The following ZRANB1 variants were observed in gnomAD, a reference collection of about 807,000 sequenced individuals.
ZRANB1 encodes ubiquitin thioesterase ZRANB1.
In ZRANB1, 16 loss-of-function variants were observed where a neutral mutation model predicts 80.5. That is an observed-to-expected ratio of 0.20 (90% CI 0.13 to 0.30). The LOEUF is 0.30. Ranked by LOEUF, ZRANB1 falls within the 10% of genes least tolerant of loss-of-function variation. The probability of loss-of-function intolerance (pLI) is 1.00; values close to 1 mark genes in which losing one functional copy is unlikely to be tolerated. For missense variants in ZRANB1, 576 were observed against 862.6 expected, an observed-to-expected ratio of 0.67 and a Z score of 4.16; for synonymous variants, 291 against 293.1, an observed-to-expected ratio of 0.99 and a Z score of 0.07.
At chr10:124,937,881 G>C (rs2134235255), upstream of ZRANB1, among the ~76,000 whole-genome samples, 2 of 152,278 alleles carry the variant, frequency 1.3e-5, no homozygotes, top group East Asian at 3.9e-4. Flanking sequence ...GGAACTGTTG[G>C]TATTGCATTT....
Position 124,949,514 on chromosome 10 carries a change from C to A in ZRANB1, c.814+6207C>A, listed in dbSNP as rs1589841977. On this transcript the variant is annotated intron_variant, in intron 1 of 8. Transcript: ENST00000359653. ...TCACGTATACACACACACACACACA[C>A]ACACACACATTTTTTTTTTTTTTTT... Among the ~76,000 whole-genome samples, 3 of 106,372 alleles carry A rather than the reference C, an allele frequency of 2.8e-5. 1 individual carries two copies. Among genetic ancestry groups the A allele is most frequent in the African/African-American group, 9.0e-5 (3 of 33,412 alleles). 69.8% of individuals were successfully genotyped at this position (106,372 alleles called of 152,430 possible). A position where few individuals can be genotyped will look rare whatever the true frequency, so the allele number is the denominator to read the frequency against.
chr10:124,947,590 G>A (rs956602664), intron 1 of ZRANB1, among the ~76,000 whole-genome samples: 1 of 152,096 alleles, frequency 6.6e-6, no homozygotes, highest in Non-Finnish European at 1.5e-5. Context: ...CATCTTTCCT[G>A]GAGTGTTTAA....
intron 5 of ZRANB1, 117 bp downstream of exon 5, chr10:124,974,515 A>G (rs1470827567): frequency 1.8e-6 from 2 of 1,083,756 alleles, no homozygotes; most frequent in Non-Finnish European, 2.7e-6. Flanking sequence ...GAGGAAAAAC[A>G]GTTCATTTTG....
At position 124,983,714 on chromosome 10, in the gene ZRANB1, T is replaced by C; in HGVS notation, c.1908+26T>C. On this transcript the variant is annotated intron_variant, in intron 8 of 8. Transcript: ENST00000359653. This position sits in a 1 kb window ranked among gnomAD's most constrained non-coding sequence, Gnocchi z 6.2. ...GTAAGCAGTTTCTCCTATGAACTATTTCTAGTAGTGACCTTGTACCAGAAA... is the reference window on the plus strand; with the variant it reads ...GTAAGCAGTTTCTCCTATGAACTATCTCTAGTAGTGACCTTGTACCAGAAA... 6.6e-7 allele frequency: 1 copy of C among 1,526,032 alleles called. No individual in the cohort carries two copies. The highest frequency in any genetic ancestry group is 8.9e-7 in the Non-Finnish European group (1 of 1,124,302). The allele number at this position is 1,526,032 out of a possible 1,614,324, so 94.5% of individuals were successfully genotyped here. A position where few individuals can be genotyped will look rare whatever the true frequency, so the allele number is the denominator to read the frequency against.
At chr10:124,936,628 T>A in the ZRANB1 span, among the ~76,000 whole-genome samples, 1 of 152,192 alleles carries the variant, frequency 6.6e-6, no homozygotes, top group Non-Finnish European at 1.5e-5. Context: ...TCCTGTTGAC[T>A]ATTGCGAAGA....
the ZRANB1 span, among the ~76,000 whole-genome samples, chr10:124,936,355 T>G: frequency 6.6e-6 from 1 of 152,076 alleles, no homozygotes; most frequent in African/African-American, 2.4e-5. Flanking sequence ...AAGACAGTAA[T>G]TAGATAGAAA....
At chr10:124,937,018 A>G in the ZRANB1 span, among the ~76,000 whole-genome samples, 5 of 152,112 alleles carry the variant, frequency 3.3e-5, no homozygotes, top group East Asian at 7.7e-4. Context: ...GCAGTGGCGC[A>G]ATCTCTGCTC....
intron 2 of ZRANB1, 150 bp downstream of exon 2, chr10:124,966,931 A>T: frequency 1.4e-6 from 1 of 720,064 alleles, no homozygotes; most frequent in Non-Finnish European, 2.2e-6. Context: ...AACTTAAGAG[A>T]CTTAATTTTT....
chr10:124,963,004 G>A (rs891076463), intron 1 of ZRANB1, among the ~76,000 whole-genome samples: 2 of 152,102 alleles, frequency 1.3e-5, no homozygotes, highest in South Asian at 2.1e-4. Flanking sequence ...GGTGGCTCAC[G>A]CCTGTAATCC....
At chr10:124,951,591 A>T (rs1377051579) in intron 1 of ZRANB1, among the ~76,000 whole-genome samples, 2 of 152,176 alleles carry the variant, frequency 1.3e-5, no homozygotes, top group Non-Finnish European at 2.9e-5. Context: ...CCTTAGCTTT[A>T]AAAATTATTT....
intron 2 of ZRANB1, among the ~76,000 whole-genome samples, chr10:124,967,553 G>A (rs1370284530): frequency 3.3e-5 from 5 of 152,220 alleles, no homozygotes; most frequent in African/African-American, 1.2e-4. Context: ...GCGCAGGGGA[G>A]TGAGCAGAGC....
At chr10:124,929,784 A>G in the ZRANB1 span, among the ~76,000 whole-genome samples, 1 of 151,752 alleles carries the variant, frequency 6.6e-6, no homozygotes, top group African/African-American at 2.4e-5. Flanking sequence ...TGTCTCTATC[A>G]AAAATACAAA....
the ZRANB1 span, among the ~76,000 whole-genome samples, chr10:124,918,736 G>A: frequency 6.6e-6 from 1 of 152,128 alleles, no homozygotes. Flanking sequence ...TTGTCTCCTT[G>A]TTATTATTTT....
chr10:124,933,138 CTTTT>C, the ZRANB1 span, among the ~76,000 whole-genome samples: 7 of 132,684 alleles, frequency 5.3e-5, no homozygotes, highest in Non-Finnish European at 9.7e-5. Context: ...TCTTTTCTTT[CTTTT>C]TTTTTTTTTT....
the ZRANB1 span, among the ~76,000 whole-genome samples, chr10:124,933,143 T>C: frequency 1.8e-3 from 271 of 151,404 alleles, no homozygotes; most frequent in African/African-American, 6.5e-3. Flanking sequence ...TCTTTCTTTT[T>C]TTTTTTTTTT....
chr10:124,936,349 C>T, the ZRANB1 span, among the ~76,000 whole-genome samples: 1 of 152,078 alleles, frequency 6.6e-6, no homozygotes, highest in Non-Finnish European at 1.5e-5. Context: ...AATGAGAAGA[C>T]AGTAATTAGA....
chr10:124,938,205 T>C (rs191098652), upstream of ZRANB1, among the ~76,000 whole-genome samples: 13 of 152,364 alleles, frequency 8.5e-5, no homozygotes, highest in Admixed American at 3.3e-4. Flanking sequence ...CTGGAAAAAG[T>C]GTACTCTGTT....
At chr10:124,955,223 GTTTTTTTTTGT>G (rs1235852961) in intron 1 of ZRANB1, among the ~76,000 whole-genome samples, 4 of 150,322 alleles carry the variant, frequency 2.7e-5, no homozygotes, top group Admixed American at 6.6e-5. Flanking sequence ...ACATTAAAAG[GTTTTTTTTTGT>G]TTTTTTTTTG....
the ZRANB1 span, among the ~76,000 whole-genome samples, chr10:124,921,839 A>G: frequency 2.6e-5 from 4 of 151,838 alleles, no homozygotes; most frequent in African/African-American, 9.7e-5. Flanking sequence ...TGCTTTTTGG[A>G]AGGGTGGTAT....
Sources: allele counts gnomAD v4.1 joint callset (sites outside exome capture counted in the v4.1 genomes callset), GRCh38; gene constraint gnomAD v4.1.1; non-coding constraint Gnocchi (gnomAD v3.1); transcripts MANE v1.5; gene names NCBI Gene and HGNC (gene_info 2026-07-23, HGNC 2026-07-21).